The following TMEM134 variants were observed in gnomAD, a reference collection of about 807,000 sequenced individuals.
The protein encoded by TMEM134 is transmembrane protein 134.
TMEM134 carries 36 observed loss-of-function variants against 26.2 expected under a neutral mutation model. The observed-to-expected ratio is 1.37, with a 90% CI of 1.05 to 1.81. The LOEUF (loss-of-function observed/expected upper bound fraction) is 1.81, where lower values mean the gene tolerates loss of function less well. Ranked by LOEUF, TMEM134 falls within the 40% of genes most tolerant of loss-of-function variation. TMEM134 has a pLI of 0.00. For synonymous variants in TMEM134, 133 were observed against 113.6 expected (o/e 1.17, Z -1.08); for missense variants, 339 against 263.5 (o/e 1.29, Z -1.98).
chr11:67,468,335 A>C, intron 1 of TMEM134: 1 of 538,056 alleles, frequency 1.9e-6, no homozygotes, highest in South Asian at 2.2e-5. Flanking sequence ...AGAGCTCCCA[A>C]CTTTGGGTTA....
Position 67,465,108 on chromosome 11 carries a change from C to A in TMEM134, c.407-8G>T, listed in dbSNP as rs1371314905. 1 of 1,577,426 alleles carries A rather than the reference C, an allele frequency of 6.3e-7. No homozygotes were observed. The highest frequency in any genetic ancestry group is 1.1e-5 in the South Asian group (1 of 87,272). On this transcript the variant is annotated splice_region_variant and splice_polypyrimidine_tract_variant and intron_variant, in intron 4 of 6. Transcript: ENST00000308022. Reference sequence around the variant, plus strand: ...CGCCGACCAGGATCAGCACTGCACACAGACGGAGCCGCGGGGGTGGGGGCA... The same window carrying A: ...CGCCGACCAGGATCAGCACTGCACAAAGACGGAGCCGCGGGGGTGGGGGCA...
Position 67,462,207 on chromosome 11 carries a change from T to C in TMEM134, c.*2407A>G, listed in dbSNP as rs1253868803. On this transcript the variant is annotated 3_prime_UTR_variant, in exon 7 of 7. Coordinates refer to ENST00000308022, the MANE Select transcript of TMEM134 (RefSeq NM_025124.4). ...AAAAAAAAAACAAGGAGTAAAAAGT[T>C]GTTAGCTGCGATTCTGTGTTAATTG... The C allele has an allele frequency of 6.6e-6, 1 of 151,822 alleles. No individual in the cohort carries two copies. Among genetic ancestry groups the C allele is most frequent in the African/African-American group, 2.4e-5 (1 of 41,364 alleles). 9.4% of individuals were successfully genotyped at this position (151,822 alleles called of 1,614,324 possible). A position where few individuals can be genotyped will look rare whatever the true frequency, so the allele number is the denominator to read the frequency against.
chr11:67,468,410 G>A (rs1301689821), intron 1 of TMEM134, among the ~76,000 whole-genome samples: 1 of 152,214 alleles, frequency 6.6e-6, no homozygotes, highest in East Asian at 1.9e-4. Flanking sequence ...GGAAAGGCCA[G>A]GCCCAGAGTT....
At chr11:67,467,149 G>T in intron 4 of TMEM134, 163 bp downstream of exon 4, 1 of 637,714 alleles carries the variant, frequency 1.6e-6, no homozygotes, top group Non-Finnish European at 2.7e-6. Flanking sequence ...AGGTCACAAG[G>T]CCTCTGTCTC....
intron 1 of TMEM134, 193 bp from the exon 2 acceptor site, chr11:67,468,285 G>A (rs1449357394): frequency 1.7e-5 from 10 of 602,762 alleles, no homozygotes; most frequent in African/African-American, 1.5e-4. Flanking sequence ...GGATGCCAGG[G>A]CTTTGGGGAG....
At chr11:67,468,579 G>C (rs2134235770) in intron 1 of TMEM134, among the ~76,000 whole-genome samples, 1 of 152,334 alleles carries the variant, frequency 6.6e-6, no homozygotes, top group Non-Finnish European at 1.5e-5. Context: ...TAGGGGTGGT[G>C]GTGGGATTAG....
At position 67,464,834 on chromosome 11, in the gene TMEM134, G is replaced by C. The variant is rs747617388; in HGVS notation, c.474C>G (p.Phe158Leu). Residue 158 changes from phenylalanine (F) to leucine (L), a missense_variant, in exon 6 of 7, where the codon TTC becomes TTG. Coordinates refer to ENST00000308022, the MANE Select transcript of TMEM134 (RefSeq NM_025124.4). ...GCACCAACAACAGGAAGCCCGGCAC[G>C]AAGAAGATGGCGCTGGAGACACCTG... is the stretch of plus-strand genomic sequence containing the variant. ...PSPGVSSAIF[F>L]VPGFLLLVPG... 5.0e-6 allele frequency: 8 copies of C among 1,610,378 alleles called. No homozygotes were observed. Among genetic ancestry groups the C allele is most frequent in the Non-Finnish European group, 6.8e-6 (8 of 1,179,648 alleles).
chr11:67,465,505 T>C (rs1360333767), intron 4 of TMEM134, among the ~76,000 whole-genome samples: 1 of 144,662 alleles, frequency 6.9e-6, no homozygotes, highest in East Asian at 2.0e-4. Context: ...GCAGGAGTCC[T>C]GGGTCCCCAG....
At chr11:67,465,993 G>T (rs1300651049) in intron 4 of TMEM134, 1 of 152,106 alleles carries the variant, frequency 6.6e-6, no homozygotes, top group African/African-American at 2.4e-5. Context: ...CTGGGAGGAT[G>T]GCTTGAGTCC....
chr11:67,463,225 T>C lies in TMEM134; in HGVS notation c.*1389A>G, dbSNP rs1865069681. The C allele has an allele frequency of 1.3e-5, 2 of 152,216 alleles. No individual in the cohort carries two copies. The highest frequency in any genetic ancestry group is 2.9e-5 in the Non-Finnish European group (2 of 68,066). The allele number at this position is 152,216 out of a possible 1,614,324, so 9.4% of individuals were successfully genotyped here. A position where few individuals can be genotyped will look rare whatever the true frequency, so the allele number is the denominator to read the frequency against. On this transcript the variant is annotated 3_prime_UTR_variant, in exon 7 of 7. Transcript: ENST00000308022. ...TCAGAATCCTGAAGGCCCCGCTGTG[T>C]TGGGTGCTGCAGACAGTGGTTTGTG...
At chr11:67,467,451 G>C (rs372368165) in intron 3 of TMEM134, 50 bp downstream of exon 3, 4 of 1,612,716 alleles carry the variant, frequency 2.5e-6, no homozygotes, top group Non-Finnish European at 3.4e-6. Flanking sequence ...AGGAGGCTGT[G>C]GGGGTGGAGC....
Position 67,465,040 on chromosome 11 carries a change from CG to C in TMEM134, c.451+15del. The stretch of plus-strand genomic sequence containing the variant: ...CAGGGGTGTCCTCTGCCTGTGGGGG[CG>C]GGAGGGTCGCTCACCTGGAGAGGGG... On this transcript the variant is annotated intron_variant, in intron 5 of 6. Coordinates refer to ENST00000308022, the MANE Select transcript of TMEM134 (RefSeq NM_025124.4). 6.4e-7 allele frequency: 1 copy of C among 1,563,758 alleles called. No individual in the cohort carries two copies.
rs765220745 is a variant in TMEM134 at position 67,464,798 on chromosome 11, C to G, written c.505+5G>C. The G allele has an allele frequency of 3.1e-6, 5 of 1,604,598 alleles. No individual in the cohort carries two copies. In the African/African-American group the frequency reaches 4.0e-5, roughly 13 times the overall value. ...CGCCCCTTCCGCCCCGGTGCCCGCT[C>G]GCACCTCCAGGCACCAACAACAGGA... On this transcript the variant is annotated splice_donor_5th_base_variant and intron_variant, in intron 6 of 6. Transcript: ENST00000308022.
chr11:67,469,033 G>C lies in TMEM134; in HGVS notation c.160C>G (p.Arg54Gly). 3 of 1,511,590 alleles carry C rather than the reference G, an allele frequency of 2.0e-6. No homozygotes were observed. Among genetic ancestry groups the C allele is most frequent in the Non-Finnish European group, 1.8e-6 (2 of 1,131,622 alleles). The allele number at this position is 1,511,590 out of a possible 1,614,324, so 93.6% of individuals were successfully genotyped here. The change falls in exon 1 of 7, where the codon CGG becomes GGG. Residue 54 changes from arginine (R) to glycine (G), a missense_variant. By Grantham distance (125) the Arg-to-Gly change is moderately radical. Coordinates refer to ENST00000308022, the MANE Select transcript of TMEM134 (RefSeq NM_025124.4). ...FEVADEDKQS[R>G]LRYQNLENDE... ...GGGCGGTTCACCTGGTAGCGCAGCC[G>C]GGACTGCTTGTCCTCGTCAGCCACC...
chr11:67,465,212 AC>A, intron 4 of TMEM134, 112 bp from the exon 5 acceptor site: 1 of 1,530,228 alleles, frequency 6.5e-7, no homozygotes, highest in Non-Finnish European at 8.7e-7. Context: ...CTAGGCAGAG[AC>A]CCTCCCCAGG....
Position 67,462,903 on chromosome 11 carries a change from G to C in TMEM134, c.*1711C>G, listed in dbSNP as rs1314952712. ...AGATGGGGTTTTCCCATGTTTCCCA[G>C]GTTGGTCTCGAACTCCTGGGCTCAA... On this transcript the variant is annotated 3_prime_UTR_variant, in exon 7 of 7. Transcript: ENST00000308022. The C allele has an allele frequency of 2.0e-5, 3 of 151,670 alleles. No homozygotes were observed. In the East Asian group the frequency reaches 5.8e-4, roughly 30 times the overall value. 9.4% of individuals were successfully genotyped at this position (151,670 alleles called of 1,614,324 possible).
intron 4 of TMEM134, 104 bp downstream of exon 4, chr11:67,467,208 G>A: frequency 9.0e-7 from 1 of 1,105,956 alleles, no homozygotes; most frequent in South Asian, 1.4e-5. Context: ...TGCCTCCTCA[G>A]GATGCTGGGA....
At chr11:67,467,233 G>A (rs971280922) in intron 4 of TMEM134, 79 bp downstream of exon 4, 35 of 1,378,556 alleles carry the variant, frequency 2.5e-5, no homozygotes, top group Admixed American at 3.5e-5. Context: ...CAGTGTCAAG[G>A]GGGAGGCAGA....
In TMEM134 at chr11:67,469,207, C is replaced by T. The variant is rs948857185; in HGVS notation, c.-15G>A. The T allele has an allele frequency of 1.6e-6, 2 of 1,269,356 alleles. No individual in the cohort carries two copies. 78.6% of individuals were successfully genotyped at this position (1,269,356 alleles called of 1,614,324 possible). A position where few individuals can be genotyped will look rare whatever the true frequency, so the allele number is the denominator to read the frequency against. On this transcript the variant is annotated 5_prime_UTR_variant, in exon 1 of 7. An upstream open reading frame in the 5' UTR loses its in-frame stop. Transcript: ENST00000308022. ...GCGGCGCTCATGGCCCCGGCCCGCT[C>T]AGGCGCCGTGCGCCGCCGCCATCTG...
Sources: allele counts gnomAD v4.1 joint callset (sites outside exome capture counted in the v4.1 genomes callset), GRCh38; gene constraint gnomAD v4.1.1; transcripts MANE v1.5; gene names NCBI Gene and HGNC (gene_info 2026-07-23, HGNC 2026-07-21).